The following ZNF385D variants were observed in gnomAD, a reference collection of about 807,000 sequenced individuals.
ZNF385D encodes zinc finger protein 385D.
In ZNF385D, 15 loss-of-function variants were observed where a neutral mutation model predicts 35.8. The ratio of observed to expected loss-of-function variants is 0.42; its 90% CI spans 0.28 to 0.64. The LOEUF is 0.64. ZNF385D is among the 30% of genes least tolerant of loss of function. The pLI, the probability that ZNF385D is intolerant of heterozygous loss-of-function variation, is 0.23. For synonymous variants in ZNF385D, 212 were observed against 186.8 expected (o/e 1.13, Z -1.10); for missense variants, 474 against 494.6 (o/e 0.96, Z 0.39).
chr3:21,605,311 T>C (rs573295919), intron 2 of ZNF385D, among the ~76,000 whole-genome samples: 73 of 152,324 alleles, frequency 4.8e-4, no homozygotes, highest in Non-Finnish European at 7.4e-4. Context: ...TCAGTATAAA[T>C]GTTGAGCAAC....
At chr3:21,759,679 C>A (rs2125582339) in intron 3 of ZNF385D, among the ~76,000 whole-genome samples, 1 of 152,160 alleles carries the variant, frequency 6.6e-6, no homozygotes, top group South Asian at 2.1e-4. Context: ...GGTTCCTGGG[C>A]AGCTATTTCA....
At position 21,539,126 on chromosome 3, in the gene ZNF385D, C is replaced by A. The variant is rs566065736; in HGVS notation, c.276+25448G>T. On this transcript the variant is annotated intron_variant, in intron 3 of 7. Coordinates refer to ENST00000281523, the MANE Select transcript of ZNF385D (RefSeq NM_024697.3). The surrounding 1 kb of genome is among the most constrained non-coding windows in gnomAD (Gnocchi z 4.0). ...ATATTCAAGTTAATTTTTAAACCTG[C>A]ATAATAATAATGCAACCCTTGACAA... Among the ~76,000 whole-genome samples the A allele has an allele frequency of 6.6e-5, 10 of 151,910 alleles. No homozygotes were observed. Among genetic ancestry groups the A allele is most frequent in the Non-Finnish European group, 1.5e-4 (10 of 68,010 alleles).
chr3:22,062,178 C>A (rs909376489), intron 3 of ZNF385D, among the ~76,000 whole-genome samples: 5 of 152,000 alleles, frequency 3.3e-5, no homozygotes, highest in Admixed American at 2.0e-4. Flanking sequence ...GCTGGGACTA[C>A]CCGGGACTAC....
intron 6 of ZNF385D, 82 bp downstream of exon 6, chr3:21,425,410 A>C: frequency 2.9e-6 from 4 of 1,389,274 alleles, no homozygotes; most frequent in Non-Finnish European, 2.9e-6. Flanking sequence ...GAAAGACAGA[A>C]ATAAAAAGGA....
chr3:21,524,850 A>G (rs1010582024), intron 3 of ZNF385D, among the ~76,000 whole-genome samples: 2 of 152,228 alleles, frequency 1.3e-5, no homozygotes, highest in Non-Finnish European at 2.9e-5. Flanking sequence ...TATAAAAGAG[A>G]GCTGTGTCTT....
chr3:22,034,896 A>G (rs1256463772), intron 3 of ZNF385D, among the ~76,000 whole-genome samples: 2 of 152,228 alleles, frequency 1.3e-5, no homozygotes, highest in Non-Finnish European at 1.5e-5. Flanking sequence ...CAGCCCGGAG[A>G]TATGTTGAAT....
intron 3 of ZNF385D, among the ~76,000 whole-genome samples, chr3:22,023,496 A>C (rs1697344376): frequency 1.3e-5 from 2 of 152,308 alleles, no homozygotes; most frequent in East Asian, 3.9e-4. Context: ...TTTTACATCA[A>C]AACCCATCTT....
chr3:22,093,016 G>C (rs1473337641), intron 3 of ZNF385D, among the ~76,000 whole-genome samples: 1 of 152,140 alleles, frequency 6.6e-6, no homozygotes, highest in Non-Finnish European at 1.5e-5. Flanking sequence ...CCAGCATCCA[G>C]GAGCAGGAAG....
chr3:21,458,179 C>T (rs987365632), intron 4 of ZNF385D, among the ~76,000 whole-genome samples: 2 of 151,860 alleles, frequency 1.3e-5, no homozygotes, highest in African/African-American at 4.8e-5. Flanking sequence ...GGTTAAGAAA[C>T]AGATGAAGAG....
At chr3:21,703,690 G>C (rs563818275) in intron 1 of ZNF385D, among the ~76,000 whole-genome samples, 1 of 151,664 alleles carries the variant, frequency 6.6e-6, no homozygotes, top group East Asian at 1.9e-4. Flanking sequence ...GCATTCTCCT[G>C]TGTAAAGACA....
chr3:21,734,285 G>T (rs1248335869), intron 1 of ZNF385D, among the ~76,000 whole-genome samples: 7 of 148,852 alleles, frequency 4.7e-5, no homozygotes, highest in Non-Finnish European at 7.4e-5. Context: ...AACACTCAGG[G>T]TTTTTTTTTT....
intron 3 of ZNF385D, among the ~76,000 whole-genome samples, chr3:22,130,734 T>C (rs772492926): frequency 8.5e-4 from 129 of 152,144 alleles, no homozygotes; most frequent in Admixed American, 1.7e-3. Flanking sequence ...TCTACCATCT[T>C]TCCTGCTTCT....
chr3:21,502,441 G>A (rs148888138), intron 4 of ZNF385D, among the ~76,000 whole-genome samples: 2 of 152,306 alleles, frequency 1.3e-5, no homozygotes, highest in African/African-American at 4.8e-5. Flanking sequence ...CACATACATA[G>A]GTAAGGAATC....
At chr3:22,070,149 T>C (rs1174601037) in intron 3 of ZNF385D, among the ~76,000 whole-genome samples, 1 of 152,148 alleles carries the variant, frequency 6.6e-6, no homozygotes, top group Non-Finnish European at 1.5e-5. Flanking sequence ...ACTTTAAAGA[T>C]AAGCATCTTA....
intron 2 of ZNF385D, among the ~76,000 whole-genome samples, chr3:22,215,992 A>G (rs56239548): frequency 0.35 from 53,179 of 151,810 alleles, 9,646 homozygotes; most frequent in African/African-American, 0.42. Flanking sequence ...ATTTCCCCCA[A>G]TAGCTATGGA....
At position 21,821,647 on chromosome 3, in the gene ZNF385D, C is replaced by T. The variant is rs1044936403; in HGVS notation, c.326-156619G>A. Reference sequence around the variant, plus strand: ...TAACCAGAAAAATGTAAATTAAAATCACAAGGGGACTTGATTGCAAAAACT... The same window carrying T: ...TAACCAGAAAAATGTAAATTAAAATTACAAGGGGACTTGATTGCAAAAACT... On this transcript the variant is annotated intron_variant, in intron 3 of 5. Coordinates refer to the ZNF385D transcript ENST00000494108. Among the ~76,000 whole-genome samples, 30 of 152,110 alleles carry T rather than the reference C, an allele frequency of 2.0e-4. 1 individual carries two copies. Among genetic ancestry groups the T allele is most frequent in the African/African-American group, 7.0e-4 (29 of 41,508 alleles).
At chr3:22,278,722 G>C (rs576198012) in intron 2 of ZNF385D, among the ~76,000 whole-genome samples, 28 of 152,172 alleles carry the variant, frequency 1.8e-4, no homozygotes, top group Non-Finnish European at 3.8e-4. Context: ...TTGAAGAAAG[G>C]ATCAGAGAAA....
intron 3 of ZNF385D, among the ~76,000 whole-genome samples, chr3:22,137,294 C>A (rs1083729): frequency 0.018 from 2,686 of 152,150 alleles, 65 homozygotes; most frequent in African/African-American, 0.061. Context: ...CAATAGAAAA[C>A]GAGGGAATCC....
intron 3 of ZNF385D, among the ~76,000 whole-genome samples, chr3:22,063,545 A>T (rs1414733800): frequency 6.6e-6 from 1 of 152,206 alleles, no homozygotes; most frequent in Non-Finnish European, 1.5e-5. Context: ...AATTCTCTAA[A>T]GTCCCTAACA....
Sources: allele counts gnomAD v4.1 joint callset (sites outside exome capture counted in the v4.1 genomes callset), GRCh38; gene constraint gnomAD v4.1.1; non-coding constraint Gnocchi (gnomAD v3.1); transcripts MANE v1.5; gene names NCBI Gene and HGNC (gene_info 2026-07-23, HGNC 2026-07-21).